The following GRIN2B variants were observed in gnomAD, a reference collection of about 807,000 sequenced individuals.
GRIN2B encodes the protein glutamate ionotropic receptor NMDA type subunit 2B.
GRIN2B carries 5 observed loss-of-function variants against 114.5 expected under a neutral mutation model. The observed-to-expected ratio is 0.04, with a 90% CI of 0.02 to 0.09. GRIN2B has a LOEUF of 0.09. Among genes scored for constraint, GRIN2B ranks in the 10% least tolerant of loss-of-function variants. The pLI is 1.00. For missense variants in GRIN2B, 1,108 were observed against 1,943.5 expected (o/e 0.57, Z 8.08); for synonymous variants, 787 against 745.1 (o/e 1.06, Z -0.92).
At chr12:13,835,623 T>C (rs1046755480) in intron 3 of GRIN2B, among the ~76,000 whole-genome samples, 1 of 151,802 alleles carries the variant, frequency 6.6e-6, no homozygotes, top group Non-Finnish European at 1.5e-5. Flanking sequence ...AAGGATGAGC[T>C]TGGAGAGAAC....
chr12:13,675,503 G>A (rs1220327430), intron 5 of GRIN2B, among the ~76,000 whole-genome samples: 1 of 152,054 alleles, frequency 6.6e-6, no homozygotes, highest in East Asian at 1.9e-4. Flanking sequence ...TCAAGATTCA[G>A]ACAGCAATGC....
chr12:13,719,224 C>T (rs1950486923), intron 4 of GRIN2B, among the ~76,000 whole-genome samples: 1 of 152,092 alleles, frequency 6.6e-6, no homozygotes, highest in African/African-American at 2.4e-5. Context: ...CAGTGAGCCA[C>T]TTGCTCCTGG....
intron 4 of GRIN2B, among the ~76,000 whole-genome samples, chr12:13,688,352 C>T (rs867100430): frequency 6.6e-5 from 10 of 152,138 alleles, no homozygotes; most frequent in Non-Finnish European, 1.0e-4. Context: ...GATGCCATCA[C>T]CATAAAGAGG....
chr12:13,976,777 G>GAA (rs553762134), intron 2 of GRIN2B, among the ~76,000 whole-genome samples: 2 of 149,382 alleles, frequency 1.3e-5, no homozygotes, highest in Admixed American at 6.6e-5. Flanking sequence ...CAAGAATATA[G>GAA]AAAAAAAAAA....
At chr12:13,980,671 G>A (rs1278013449) in intron 1 of GRIN2B, among the ~76,000 whole-genome samples, 2 of 151,948 alleles carry the variant, frequency 1.3e-5, no homozygotes, top group African/African-American at 4.8e-5. Context: ...GGGAGAAGCG[G>A]CACCATACAG....
intron 2 of GRIN2B, among the ~76,000 whole-genome samples, chr12:13,964,697 T>C (rs1168139895): frequency 6.6e-6 from 1 of 152,166 alleles, no homozygotes; most frequent in African/African-American, 2.4e-5. Flanking sequence ...AACATTCATT[T>C]TGGGAATTGC....
chr12:13,570,809 C>T (rs1045364378), intron 11 of GRIN2B, among the ~76,000 whole-genome samples: 3 of 152,110 alleles, frequency 2.0e-5, no homozygotes, highest in Non-Finnish European at 2.9e-5. Flanking sequence ...GCCTTACAGG[C>T]AATAGAGAGG....
chr12:13,947,884 C>A (rs903361851), intron 2 of GRIN2B, among the ~76,000 whole-genome samples: 1 of 152,158 alleles, frequency 6.6e-6, no homozygotes, highest in East Asian at 1.9e-4. Flanking sequence ...AGGCTTTAAC[C>A]TACTACCCTC....
At chr12:13,741,902 G>A (rs10772710) in intron 4 of GRIN2B, among the ~76,000 whole-genome samples, 37,189 of 151,966 alleles carry the variant, frequency 0.24, 5,427 homozygotes, top group East Asian at 0.59. Flanking sequence ...ATACTTTTAA[G>A]CTTAAATTAT....
chr12:13,586,700 A>G (rs942883338), intron 10 of GRIN2B, among the ~76,000 whole-genome samples: 4 of 152,214 alleles, frequency 2.6e-5, no homozygotes, highest in Admixed American at 2.0e-4. Context: ...CCCGATTTAG[A>G]TGGTGTGACA....
At chr12:13,861,431 C>T (rs1865749701) in intron 3 of GRIN2B, among the ~76,000 whole-genome samples, 1 of 152,186 alleles carries the variant, frequency 6.6e-6, no homozygotes, top group Non-Finnish European at 1.5e-5. Flanking sequence ...TATTTGGATT[C>T]AGATGGGCAT....
chr12:13,635,155 C>T lies in GRIN2B; in HGVS notation c.1126-18498G>A, dbSNP rs903995365. Among the ~76,000 whole-genome samples the T allele has an allele frequency of 7.9e-5, 12 of 152,056 alleles. 1 individual carries two copies. The highest frequency in any genetic ancestry group is 1.6e-4 in the Non-Finnish European group (11 of 68,010). Reference sequence around the variant, plus strand: ...AAGGCAGGACAGAAACTGCTTTACTCGGAGTGTTCATTCTGGGGTCTGATG... The same window carrying T: ...AAGGCAGGACAGAAACTGCTTTACTTGGAGTGTTCATTCTGGGGTCTGATG... On this transcript the variant is annotated intron_variant, in intron 5 of 13. Coordinates refer to ENST00000609686, the MANE Select transcript of GRIN2B (RefSeq NM_000834.5).
At chr12:13,609,558 G>A (rs1006780412) in intron 9 of GRIN2B, among the ~76,000 whole-genome samples, 9 of 152,270 alleles carry the variant, frequency 5.9e-5, no homozygotes, top group Admixed American at 4.6e-4. Flanking sequence ...CGGATCACGA[G>A]GTCAGGAGAT....
intron 4 of GRIN2B, among the ~76,000 whole-genome samples, chr12:13,724,644 G>A (rs1329214345): frequency 6.6e-6 from 1 of 152,078 alleles, no homozygotes; most frequent in Non-Finnish European, 1.5e-5. Context: ...GTCCTAAGAT[G>A]CATTTCTGAA....
At chr12:13,919,497 G>A (rs1039369249) in intron 2 of GRIN2B, among the ~76,000 whole-genome samples, 2 of 152,080 alleles carry the variant, frequency 1.3e-5, no homozygotes, top group Non-Finnish European at 2.9e-5. Flanking sequence ...TAGAAATAGT[G>A]GCCTGTATGA....
At chr12:13,881,252 T>C (rs1044576943) in intron 2 of GRIN2B, among the ~76,000 whole-genome samples, 2 of 152,186 alleles carry the variant, frequency 1.3e-5, no homozygotes, top group African/African-American at 4.8e-5. Flanking sequence ...ACAAGATTTG[T>C]CACCTGTTTC....
intron 10 of GRIN2B, among the ~76,000 whole-genome samples, chr12:13,597,575 CAAGGGG>C (rs1949091683): frequency 6.6e-6 from 1 of 152,220 alleles, no homozygotes; most frequent in African/African-American, 2.4e-5. Context: ...TTCATCCAGA[CAAGGGG>C]TAGCCAATAG....
At chr12:13,827,692 G>A (rs1304412100) in intron 3 of GRIN2B, among the ~76,000 whole-genome samples, 1 of 132,620 alleles carries the variant, frequency 7.5e-6, no homozygotes, top group Admixed American at 7.8e-5. Context: ...TTCTTTGGGT[G>A]GGGGGTGGGG....
intron 3 of GRIN2B, among the ~76,000 whole-genome samples, chr12:13,835,263 C>G (rs1259661853): frequency 6.6e-6 from 1 of 152,080 alleles, no homozygotes; most frequent in Non-Finnish European, 1.5e-5. Context: ...ACAGAGCTTT[C>G]TTGATTTGAA....
Sources: allele counts gnomAD v4.1 joint callset (sites outside exome capture counted in the v4.1 genomes callset), GRCh38; gene constraint gnomAD v4.1.1; transcripts MANE v1.5; gene names NCBI Gene and HGNC (gene_info 2026-07-23, HGNC 2026-07-21).